AUTS2: variants seen among roughly 807,000 people sequenced by gnomAD.
The protein encoded by AUTS2 is activator of transcription and developmental regulator AUTS2, also known as autism susceptibility gene 2 protein.
In AUTS2, 17 loss-of-function variants were observed where a neutral mutation model predicts 112.4. That is an observed-to-expected ratio of 0.15 (90% CI 0.10 to 0.23). The LOEUF (loss-of-function observed/expected upper bound fraction) is 0.23. Ranked by LOEUF, AUTS2 falls within the 10% of genes least tolerant of loss-of-function variation. The probability of loss-of-function intolerance (pLI) is 1.00; values close to 1 mark genes in which losing one functional copy is unlikely to be tolerated. For synonymous variants in AUTS2, 751 were observed against 702.7 expected (o/e 1.07, Z -1.09); for missense variants, 1,510 against 1,701.6 (o/e 0.89, Z 1.98).
At chr7:70,774,853 T>C (rs1790585635) in intron 12 of AUTS2, 1 of 154,256 alleles carries the variant, frequency 6.5e-6, no homozygotes. Flanking sequence ...TATGTCATGA[T>C]GTATAGTGAA....
intron 6 of AUTS2, among the ~76,000 whole-genome samples, chr7:70,714,037 T>C (rs1004650900): frequency 6.6e-6 from 1 of 152,196 alleles, no homozygotes; most frequent in Non-Finnish European, 1.5e-5. Flanking sequence ...CACTGTGTGA[T>C]CTACATGGGT....
At chr7:70,401,587 G>A (rs937830607) in intron 4 of AUTS2, among the ~76,000 whole-genome samples, 4 of 152,208 alleles carry the variant, frequency 2.6e-5, no homozygotes, top group African/African-American at 7.2e-5. Flanking sequence ...AGACAGATGA[G>A]ACCGTGGAGA....
rs1452554316 is a variant in AUTS2 at position 69,753,144 on chromosome 7, A to G, written c.310-146142A>G. ...GTAATAGCTACCTCGCAGTTGGAAA[A>G]CTTAAATGTGATCATGTATGTGAGA... On this transcript the variant is annotated intron_variant, in intron 1 of 18. Transcript: ENST00000342771. Among the ~76,000 whole-genome samples, 3 of 152,078 alleles carry G rather than the reference A, an allele frequency of 2.0e-5. No individual in the cohort carries two copies. In the East Asian group the frequency reaches 5.8e-4, roughly 29 times the overall value.
At chr7:69,726,418 A>G (rs550717077) in intron 1 of AUTS2, among the ~76,000 whole-genome samples, 18 of 151,540 alleles carry the variant, frequency 1.2e-4, no homozygotes, top group Non-Finnish European at 1.9e-4. Flanking sequence ...ATATACCACA[A>G]TTTGTTTAAT....
chr7:70,606,470 G>A (rs914267168), intron 5 of AUTS2, among the ~76,000 whole-genome samples: 6 of 152,258 alleles, frequency 3.9e-5, no homozygotes, highest in South Asian at 2.1e-4. Context: ...GTTAGCAGCC[G>A]GGGATACAGT....
chr7:70,052,625 C>T (rs1338692451), intron 2 of AUTS2, among the ~76,000 whole-genome samples: 3 of 152,166 alleles, frequency 2.0e-5, no homozygotes, highest in Non-Finnish European at 2.9e-5. Context: ...TAGCCCTACT[C>T]ATAAAGTTGG....
intron 6 of AUTS2, among the ~76,000 whole-genome samples, chr7:70,715,037 A>G (rs1214916329): frequency 5.3e-5 from 8 of 152,224 alleles, no homozygotes; most frequent in Admixed American, 4.6e-4. Context: ...CTTTTCTAGC[A>G]TTATTCCACA....
chr7:70,276,969 A>C (rs1432093944), intron 4 of AUTS2, among the ~76,000 whole-genome samples: 1 of 152,206 alleles, frequency 6.6e-6, no homozygotes, highest in African/African-American at 2.4e-5. Flanking sequence ...TGTAAAATGG[A>C]TAGCAAGGCA....
At chr7:70,650,602 T>A (rs1186280286) in intron 5 of AUTS2, among the ~76,000 whole-genome samples, 2 of 152,254 alleles carry the variant, frequency 1.3e-5, no homozygotes, top group Non-Finnish European at 1.5e-5. Flanking sequence ...TTATTTTTAC[T>A]TTCAAATGTG....
In AUTS2 at chr7:70,138,100, G is replaced by C. The variant is rs73705817; in HGVS notation, c.660+3529G>C. On this transcript the variant is annotated intron_variant, in intron 4 of 18. Transcript: ENST00000342771. Reference sequence around the variant, plus strand: ...AGTTACTTGTGTATTTTCTTCCTCAGAAGCATTTGAAGTACTTGGAGCTTT... The same window carrying C: ...AGTTACTTGTGTATTTTCTTCCTCACAAGCATTTGAAGTACTTGGAGCTTT... 5.5e-3 allele frequency among the ~76,000 whole-genome samples: 841 copies of C among 152,294 alleles called. 10 individuals carry two copies. Among genetic ancestry groups the C allele is most frequent in the African/African-American group, 0.019 (775 of 41,556 alleles).
chr7:70,698,115 G>A (rs990676570), intron 5 of AUTS2, among the ~76,000 whole-genome samples: 5 of 152,148 alleles, frequency 3.3e-5, no homozygotes, highest in Non-Finnish European at 7.3e-5. Flanking sequence ...TTCTGGCAGT[G>A]TTGGCTTACA....
chr7:70,271,341 T>C (rs1279597245), intron 4 of AUTS2, among the ~76,000 whole-genome samples: 3 of 152,172 alleles, frequency 2.0e-5, no homozygotes, highest in Non-Finnish European at 4.4e-5. Flanking sequence ...ATTATTAATA[T>C]ATATTATCAT....
chr7:69,687,947 T>G (rs1156273101), intron 1 of AUTS2, among the ~76,000 whole-genome samples: 7 of 152,216 alleles, frequency 4.6e-5, no homozygotes, highest in Admixed American at 4.6e-4. Flanking sequence ...ATGTGTCAAA[T>G]TAAACGTTTT....
intron 6 of AUTS2, among the ~76,000 whole-genome samples, chr7:70,708,929 T>C (rs1332159766): frequency 6.6e-6 from 1 of 151,160 alleles, no homozygotes; most frequent in African/African-American, 2.4e-5. Flanking sequence ...TTTTTTTTTT[T>C]TTTTTTGAGA....
At chr7:70,320,016 G>T (rs1167795184) in intron 4 of AUTS2, among the ~76,000 whole-genome samples, 2 of 152,184 alleles carry the variant, frequency 1.3e-5, no homozygotes, top group African/African-American at 4.8e-5. Flanking sequence ...CACTGTCCCT[G>T]AGCACTTTAA....
chr7:70,764,138 G>T (rs558251502), intron 7 of AUTS2, among the ~76,000 whole-genome samples: 100 of 152,258 alleles, frequency 6.6e-4, no homozygotes, highest in African/African-American at 2.3e-3. Context: ...GGTGGCTTTG[G>T]TGGTTCCGGG....
chr7:70,009,408 G>A (rs1799694760), intron 2 of AUTS2, among the ~76,000 whole-genome samples: 1 of 152,146 alleles, frequency 6.6e-6, no homozygotes, highest in Admixed American at 6.5e-5. Flanking sequence ...GTTTAACGTT[G>A]GTATCGAAAG....
At chr7:70,474,975 A>G (rs1797527073) in intron 5 of AUTS2, among the ~76,000 whole-genome samples, 1 of 152,148 alleles carries the variant, frequency 6.6e-6, no homozygotes, top group Non-Finnish European at 1.5e-5. Flanking sequence ...TCCCAGAATC[A>G]GGTTACCCTA....
intron 4 of AUTS2, among the ~76,000 whole-genome samples, chr7:70,195,338 T>A (rs1366900828): frequency 1.3e-5 from 2 of 151,626 alleles, no homozygotes; most frequent in African/African-American, 4.9e-5. Context: ...GAATAGGGAG[T>A]GAGCTGTTAA....
Sources: allele counts gnomAD v4.1 joint callset (sites outside exome capture counted in the v4.1 genomes callset), GRCh38; gene constraint gnomAD v4.1.1; transcripts MANE v1.5; gene names NCBI Gene and HGNC (gene_info 2026-07-23, HGNC 2026-07-21).